The following ZNF438 variants were observed in gnomAD, a reference collection of about 807,000 sequenced individuals.
ZNF438 encodes zinc finger protein 438.
ZNF438 carries 25 observed loss-of-function variants against 38.0 expected under a neutral mutation model. The ratio of observed to expected loss-of-function variants is 0.66; its 90% CI spans 0.48 to 0.92. The LOEUF is 0.92. Among genes scored for constraint, ZNF438 ranks in the 40% least tolerant of loss-of-function variants. The pLI, the probability that ZNF438 is intolerant of heterozygous loss-of-function variation, is 0.00. For synonymous variants in ZNF438, 372 were observed against 364.1 expected (o/e 1.02, Z -0.25); for missense variants, 1,007 against 999.6 (o/e 1.01, Z -0.10).
exon 5 of ZNF438, chr10:30,849,051 A>C (rs1362602342): frequency 6.2e-7 from 1 of 1,614,140 alleles, no homozygotes; most frequent in South Asian, 1.1e-5. Context: ...GTAGTTGGAG[A>C]AGCCAGGGAG....
intron 1 of ZNF438, among the ~76,000 whole-genome samples, chr10:30,946,886 T>G (rs116834884): frequency 6.6e-6 from 1 of 152,248 alleles, no homozygotes; most frequent in East Asian, 1.9e-4. Context: ...ACTTGTATCT[T>G]TGTAGCTTTA....
At chr10:30,944,492 G>A (rs1354530735) in intron 1 of ZNF438, among the ~76,000 whole-genome samples, 1 of 152,134 alleles carries the variant, frequency 6.6e-6, no homozygotes, top group Non-Finnish European at 1.5e-5. Context: ...GTAGTATGAA[G>A]AAAACTATAT....
chr10:30,871,834 C>G (rs1564534035), intron 4 of ZNF438, among the ~76,000 whole-genome samples: 1 of 152,172 alleles, frequency 6.6e-6, no homozygotes, highest in African/African-American at 2.4e-5. Context: ...TTAGTAGTAG[C>G]TGTACAGCAC....
chr10:30,935,775 G>T (rs982294883), intron 2 of ZNF438, among the ~76,000 whole-genome samples: 3 of 152,200 alleles, frequency 2.0e-5, no homozygotes, highest in African/African-American at 7.2e-5. Context: ...ATGGTGGCAG[G>T]CAAGAGAAAG....
exon 5 of ZNF438, chr10:30,849,683 T>G (rs141824461): frequency 1.4e-5 from 22 of 1,614,068 alleles, no homozygotes; most frequent in Non-Finnish European, 1.8e-5. Flanking sequence ...GCTTACAAAG[T>G]GTGCTTTCCC....
chr10:30,915,141 TTAAAAA>T (rs1455376696), intron 2 of ZNF438, among the ~76,000 whole-genome samples: 2 of 151,972 alleles, frequency 1.3e-5, no homozygotes, highest in Non-Finnish European at 2.9e-5. Context: ...GTCAGACTCT[TTAAAAA>T]TAAAAAAGCA....
At chr10:30,850,938 G>C (rs746236639) in intron 4 of ZNF438, among the ~76,000 whole-genome samples, 1 of 152,132 alleles carries the variant, frequency 6.6e-6, no homozygotes, top group African/African-American at 2.4e-5. Context: ...TGACCCACTG[G>C]CAGTTGAATT....
chr10:30,856,510 ATAC>A (rs1173345281), intron 4 of ZNF438, among the ~76,000 whole-genome samples: 1 of 152,188 alleles, frequency 6.6e-6, no homozygotes, highest in Non-Finnish European at 1.5e-5. Flanking sequence ...CAATATAGTT[ATAC>A]AACAGTGGTT....
chr10:30,968,129 T>C (rs183680226), intron 1 of ZNF438, among the ~76,000 whole-genome samples: 3 of 152,306 alleles, frequency 2.0e-5, no homozygotes, highest in African/African-American at 7.2e-5. Flanking sequence ...TATCACTGCC[T>C]TACCCAACAG....
At chr10:30,899,231 A>T (rs1009575267) in intron 3 of ZNF438, among the ~76,000 whole-genome samples, 4 of 152,048 alleles carry the variant, frequency 2.6e-5, no homozygotes, top group African/African-American at 9.7e-5. Context: ...TATAAACTTT[A>T]AAAAAAAGGA....
At position 30,958,849 on chromosome 10, in the gene ZNF438, A is replaced by G. The variant is rs190890757; in HGVS notation, c.-191-17198T>C. On this transcript the variant is annotated intron_variant, in intron 1 of 5. Transcript: ENST00000413025. ...AGTCTAGTTCCTTTCACTCAACACTATATTTTTTAGTTTCATCCATGCTGC... is the reference window on the plus strand; with the variant it reads ...AGTCTAGTTCCTTTCACTCAACACTGTATTTTTTAGTTTCATCCATGCTGC... 1.9e-3 allele frequency among the ~76,000 whole-genome samples: 281 copies of G among 147,032 alleles called. 33 individuals carry two copies. Among genetic ancestry groups the G allele is most frequent in the Non-Finnish European group, 3.1e-3 (200 of 64,804 alleles).
intron 3 of ZNF438, among the ~76,000 whole-genome samples, chr10:30,887,842 C>T (rs961829736): frequency 6.6e-6 from 1 of 152,172 alleles, no homozygotes; most frequent in Admixed American, 6.5e-5. Context: ...TCCACCCTCA[C>T]CTATGGCCCC....
chr10:30,974,911 C>T lies in ZNF438; in HGVS notation c.-191-33260G>A, dbSNP rs183757475. Among the ~76,000 whole-genome samples, 373 of 152,252 alleles carry T rather than the reference C, an allele frequency of 2.4e-3. 1 individual carries two copies. The highest frequency in any genetic ancestry group is 8.4e-3 in the African/African-American group (351 of 41,542). ...AATTAGAATAAAGGTCTCCTGCCTC[C>T]TCAGCCCATGTGCTTTCCAGAATAC... On this transcript the variant is annotated intron_variant, in intron 1 of 5. Coordinates refer to ENST00000413025, the Ensembl canonical transcript of ZNF438.
intron 1 of ZNF438, among the ~76,000 whole-genome samples, chr10:30,949,480 A>G (rs2047892352): frequency 6.6e-6 from 1 of 152,276 alleles, no homozygotes; most frequent in Non-Finnish European, 1.5e-5. Flanking sequence ...GTCAAGACCC[A>G]TCAGTGTGCT....
chr10:30,987,687 C>T (rs533154558), intron 1 of ZNF438, among the ~76,000 whole-genome samples: 6 of 151,956 alleles, frequency 3.9e-5, no homozygotes, highest in African/African-American at 1.4e-4. Context: ...TCTCTCCCCA[C>T]CCACCACCCC....
At chr10:30,854,548 A>T (rs1161976700) in intron 4 of ZNF438, among the ~76,000 whole-genome samples, 3 of 152,232 alleles carry the variant, frequency 2.0e-5, no homozygotes, top group Non-Finnish European at 2.9e-5. Flanking sequence ...AAAAGAACAC[A>T]ATTTAAAAAT....
At chr10:30,926,711 A>G (rs925912133) in intron 2 of ZNF438, among the ~76,000 whole-genome samples, 1 of 152,118 alleles carries the variant, frequency 6.6e-6, no homozygotes, top group Non-Finnish European at 1.5e-5. Flanking sequence ...AAGATTATAA[A>G]TAAGAAATGT....
chr10:30,942,256 T>C (rs949570254), intron 1 of ZNF438, among the ~76,000 whole-genome samples: 1 of 152,094 alleles, frequency 6.6e-6, no homozygotes, highest in East Asian at 1.9e-4. Context: ...CTGTAAGAGG[T>C]TGAATGCTAG....
At chr10:31,009,196 AC>A (rs2055424328) in intron 1 of ZNF438, among the ~76,000 whole-genome samples, 1 of 152,182 alleles carries the variant, frequency 6.6e-6, no homozygotes, top group Non-Finnish European at 1.5e-5. Flanking sequence ...ATTTTCTCTT[AC>A]CCTGTATACC....
Sources: gnomAD v4.1 joint callset for allele counts (sites outside exome capture counted in the v4.1 genomes callset) on GRCh38, gnomAD v4.1.1 for gene constraint, MANE v1.5 for transcripts, NCBI Gene and HGNC (gene_info 2026-07-23, HGNC 2026-07-21) for gene names.